FASN: variants seen among roughly 807,000 people sequenced by gnomAD.
The protein encoded by FASN is 3-hydroxyacyl-[acyl-carrier-protein] dehydratase.
In FASN, 50 loss-of-function variants were observed where a neutral mutation model predicts 250.0. The observed-to-expected ratio is 0.20, with a 90% CI of 0.16 to 0.25. FASN has a LOEUF of 0.25. Among genes scored for constraint, FASN ranks in the 10% least tolerant of loss-of-function variants. The pLI, the probability that FASN is intolerant of heterozygous loss-of-function variation, is 1.00. For synonymous variants in FASN, 1,909 were observed against 1,584.0 expected (o/e 1.21, Z -4.87); for missense variants, 3,031 against 3,498.5 (o/e 0.87, Z 3.37).
rs766568895 is a variant in FASN at position 82,090,890 on chromosome 17, C to A, written c.1672G>T (p.Ala558Ser). The change falls in exon 10 of 43, where the codon GCC becomes TCC. Residue 558 changes from alanine (A) to serine (S), a missense_variant. Transcript: ENST00000306749. ...DIVHSFVSLT[A>S]IQIGLIDLLS... ...GGCAGGCTGGGCCCTACCTGGATGG[C>A]AGTCAGGCTCACAAACGAATGGACG... The A allele has an allele frequency of 6.3e-7, 1 of 1,588,168 alleles. No individual in the cohort carries two copies. Among genetic ancestry groups the A allele is most frequent in the East Asian group, 2.3e-5 (1 of 42,984 alleles).
At position 82,086,391 on chromosome 17, in the gene FASN, C is replaced by T. The variant is rs1249074009; in HGVS notation, c.3595G>A (p.Ala1199Thr). Residue 1199 changes from alanine (A) to threonine (T), a missense_variant, in exon 22 of 43, where the codon GCG becomes ACG. Transcript: ENST00000306749. ...QLNGNLQLEL[A>T]QVLAQERPKL... Reference sequence around the variant, plus strand: ...GGCCTCTCCTGGGCCAGCACCTGCGCCAGCTCCAGCTGCAGGTTCCCGTTG... The same window carrying T: ...GGCCTCTCCTGGGCCAGCACCTGCGTCAGCTCCAGCTGCAGGTTCCCGTTG... 1 of 1,610,236 alleles carries T rather than the reference C, an allele frequency of 6.2e-7. No individual in the cohort carries two copies. Among genetic ancestry groups the T allele is most frequent in the South Asian group, 1.1e-5 (1 of 91,046 alleles).
chr17:82,082,173 G>C lies in FASN; in HGVS notation c.6012-13C>G. 1 of 1,601,650 alleles carries C rather than the reference G, an allele frequency of 6.2e-7. No individual in the cohort carries two copies. Reference sequence around the variant, plus strand: ...CTCTCGGGTCACCCTGTGGGCACGCGTGTCACTCCCCATTGGCCAGCATCC... The same window carrying C: ...CTCTCGGGTCACCCTGTGGGCACGCCTGTCACTCCCCATTGGCCAGCATCC... On this transcript the variant is annotated splice_polypyrimidine_tract_variant and intron_variant, in intron 35 of 42. Transcript: ENST00000306749.
intron 36 of FASN, 47 bp from the exon 37 acceptor site, chr17:82,081,890 G>A (rs775433346): frequency 2.1e-6 from 1 of 470,890 alleles, no homozygotes; most frequent in African/African-American, 2.1e-5. Flanking sequence ...AGGTCGGGGT[G>A]GGGAGTGGCC....
intron 9 of FASN, 63 bp downstream of exon 9, chr17:82,091,159 A>C: frequency 6.2e-7 from 1 of 1,601,174 alleles, no homozygotes; most frequent in Non-Finnish European, 8.5e-7. Flanking sequence ...GGGGACCACC[A>C]GCTCCAGTTC....
Position 82,079,497 on chromosome 17 carries a change from C to A in FASN, c.7258G>T (p.Ala2420Ser). The A allele has an allele frequency of 1.2e-6, 2 of 1,612,542 alleles. No homozygotes were observed. The highest frequency in any genetic ancestry group is 1.7e-6 in the Non-Finnish European group (2 of 1,179,978). ...GLDRQELSFAARSFYYKLRAA... is the reference protein window; with the variant it reads ...GLDRQELSFASRSFYYKLRAA... ...CGCAGCTTGTAGTAGAAGGACCGGG[C>A]CGCAAAGCTCAGCTCCTGGCGGTCC... Residue 2420 changes from alanine (A) to serine (S), a missense_variant, in exon 42 of 43, where the codon GCC (alanine) becomes TCC (serine). Ala to Ser is a moderately conservative substitution (Grantham distance 99, BLOSUM62 1). Transcript: ENST00000306749.
chr17:82,095,522 G>A (rs1375168977), intron 2 of FASN, 50 bp from the exon 3 acceptor site: 9 of 1,604,558 alleles, frequency 5.6e-6, no homozygotes, highest in Non-Finnish European at 7.6e-6. Flanking sequence ...GCCCAGAGGT[G>A]GGGGCCCTGT....
chr17:82,092,550 G>A lies in FASN; in HGVS notation c.934C>T (p.Leu312=). 4.4e-6 allele frequency: 7 copies of A among 1,606,664 alleles called. No individual in the cohort carries two copies. The highest frequency in any genetic ancestry group is 5.9e-6 in the Non-Finnish European group (7 of 1,179,210). The part of the protein sequence containing the change: ...PQELNGITRA[L]CATRQEPLLI... ...AGCGGCTCCTGGCGGGTGGCGCACA[G>A]GGCTCGGGTGATGCCATTCAGCTCC... The change falls in exon 8 of 43, where the codon CTG becomes TTG. Residue 312 remains leucine (L), a synonymous_variant. Coordinates refer to ENST00000306749, the MANE Select transcript of FASN (RefSeq NM_004104.5).
Position 82,084,490 on chromosome 17 carries a change from C to T in FASN, c.4768+23G>A, listed in dbSNP as rs778786785. 2.5e-6 allele frequency: 4 copies of T among 1,597,530 alleles called. No individual in the cohort carries two copies. The African/African-American group carries it at 4.0e-5, about 16-fold the overall frequency. On this transcript the variant is annotated intron_variant, in intron 27 of 42. Transcript: ENST00000306749. ...CTCTGCTCCCCGGCCCAGTCCACTC[C>T]CACGGCCCCATGCCACCCATACCTG...
At chr17:82,087,008 C>T (rs779538787) in intron 21 of FASN, 42 bp downstream of exon 21, 3 of 1,600,304 alleles carry the variant, frequency 1.9e-6, no homozygotes, top group Non-Finnish European at 1.7e-6. Flanking sequence ...GATCGCTCCT[C>T]ATCGCCAGAG....
Position 82,082,125 on chromosome 17 carries a change from A to G in FASN, c.6047T>C (p.Phe2016Ser). 1 of 1,606,822 alleles carries G rather than the reference A, an allele frequency of 6.2e-7. No homozygotes were observed. Among genetic ancestry groups the G allele is most frequent in the Non-Finnish European group, 8.5e-7 (1 of 1,179,948 alleles). Residue 2016 changes from phenylalanine to serine, a missense_variant, in exon 36 of 43, where the codon TTT becomes TCT. Phe to Ser is a radical substitution (Grantham distance 155). Coordinates refer to ENST00000306749, the MANE Select transcript of FASN (RefSeq NM_004104.5). Reference protein sequence around the residue: ...TREACPELDYFVVFSSVSCGR... With the variant: ...TREACPELDYSVVFSSVSCGR... ...GCAGCTCACAGAGGAGAAGACCACA[A>G]AGTAGTCCAGCTCAGGGCACGCCTC...
rs922699906 is a variant in FASN, at chr17:82,087,785, C to T, written c.2943G>A (p.Glu981=). Residue 981 remains glutamate (E), a synonymous_variant, in exon 19 of 43, where the codon GAG becomes GAA. Transcript: ENST00000306749. ...HPESPTPNPT[E]PLFLAQAEVY... ...CTTCAGCCTGGGCCAGGAAGAGGGG[C>T]TCCGTGGGGTTGGGGGTGGGGCTTT... 6.2e-7 allele frequency: 1 copy of T among 1,612,624 alleles called. No homozygotes were observed. Among genetic ancestry groups the T allele is most frequent in the Non-Finnish European group, 8.5e-7 (1 of 1,179,956 alleles).
At chr17:82,090,019 G>A (rs1202500835) in intron 11 of FASN, among the ~76,000 whole-genome samples, 1 of 152,230 alleles carries the variant, frequency 6.6e-6, no homozygotes, top group Non-Finnish European at 1.5e-5. Flanking sequence ...TGGCCCATGG[G>A]GCTCAGAGAT....
In FASN at chr17:82,091,381, T is replaced by C. The variant is rs2034204006; in HGVS notation, c.1333A>G (p.Ser445Gly). ...ATGCTCAGGAAAGCCAGGTCCTGGC[T>C]GTGCCGGAGGCCCTGCTCCAGCAGC... ...QKLLEQGLRH[S>G]QDLAFLSMLN... Residue 445 changes from serine to glycine, a missense_variant, in exon 9 of 43, where the codon AGC becomes GGC. Physicochemically the swap from Ser to Gly is moderately conservative, Grantham distance 56. Transcript: ENST00000306749. 1.2e-6 allele frequency: 2 copies of C among 1,611,058 alleles called. No individual in the cohort carries two copies. The highest frequency in any genetic ancestry group is 2.2e-5 in the South Asian group (2 of 90,844).
chr17:82,079,382 A>G lies in FASN; in HGVS notation c.7373T>C (p.Leu2458Pro). 1 of 1,612,970 alleles carries G rather than the reference A, an allele frequency of 6.2e-7. No homozygotes were observed. Among genetic ancestry groups the G allele is most frequent in the Non-Finnish European group, 8.5e-7 (1 of 1,179,988 alleles). ...CTGGGAGAGGTTGTAGTCCGCGCCC[A>G]GGTCCTCGCCGTAGGCGCCACCCGT... ...AKTGGAYGED[L>P]GADYNLSQVC... Residue 2458 changes from leucine (L) to proline (P), a missense_variant, in exon 42 of 43, where the codon CTG (leucine) becomes CCG (proline). By Grantham distance (98) the Leu-to-Pro change is moderately conservative. Transcript: ENST00000306749.
intron 8 of FASN, 25 bp from the exon 9 acceptor site, chr17:82,091,709 C>T: frequency 6.5e-7 from 1 of 1,539,418 alleles, no homozygotes; most frequent in Non-Finnish European, 8.8e-7. Flanking sequence ...GGTGGATGGG[C>T]AGCCGCCCCA....
rs954842120 is a variant in FASN, at chr17:82,084,850, C to T, written c.4513G>A (p.Val1505Ile). 26 of 1,550,346 alleles carry T rather than the reference C, an allele frequency of 1.7e-5. No individual in the cohort carries two copies. The highest frequency in any genetic ancestry group is 9.8e-5 in the East Asian group (4 of 40,936). The change falls in exon 26 of 43, where the codon GTC becomes ATC. Residue 1505 changes from valine to isoleucine, a missense_variant. Physicochemically the swap from Val to Ile is conservative, Grantham distance 29. Transcript: ENST00000306749. Reference protein sequence around the residue: ...KVLQGDLVMNVYRDGAWGAFR... With the variant: ...KVLQGDLVMNIYRDGAWGAFR... ...GCCCCCCAGGCCCCGTCGCGGTAGACGTTCATCACCAGGTCTCCCTGCAAC... is the reference window on the plus strand; with the variant it reads ...GCCCCCCAGGCCCCGTCGCGGTAGATGTTCATCACCAGGTCTCCCTGCAAC...
intron 4 of FASN, 77 bp from the exon 5 acceptor site, chr17:82,093,496 T>C: frequency 1.3e-6 from 2 of 1,587,244 alleles, no homozygotes; most frequent in Non-Finnish European, 1.7e-6. Flanking sequence ...GCCACCAGGC[T>C]GGACACACAC....
chr17:82,083,653 G>A lies in FASN; in HGVS notation c.5219-14C>T, dbSNP rs757804201. 1.1e-5 allele frequency: 18 copies of A among 1,605,102 alleles called. No individual in the cohort carries two copies. In the Admixed American group the frequency reaches 2.9e-4, roughly 26 times the overall value. ...CCAGGTCAACGCCTAGGGGGCCAGA[G>A]GGGCCAGACAATCACACCCACTGCA... On this transcript the variant is annotated splice_polypyrimidine_tract_variant and intron_variant, in intron 30 of 42. Transcript: ENST00000306749.
In FASN at chr17:82,086,531, A is replaced by C. The variant is rs760288450; in HGVS notation, c.3455T>G (p.Val1152Gly). The change falls in exon 22 of 43, where the codon GTG (valine) becomes GGG (glycine). Residue 1152 changes from valine (V) to glycine (G), a missense_variant. Val to Gly is a moderately radical substitution (Grantham distance 109, BLOSUM62 -3). Coordinates refer to ENST00000306749, the MANE Select transcript of FASN (RefSeq NM_004104.5). Reference sequence around the variant, plus strand: ...CACCATCTTCAGCCCCTGCTGGGTCACCTTGGTCTGCAGTGCCTGCACCAG... The same window carrying C: ...CACCATCTTCAGCCCCTGCTGGGTCCCCTTGGTCTGCAGTGCCTGCACCAG... ...KGLVQALQTKVTQQGLKMVVP... is the reference protein window; with the variant it reads ...KGLVQALQTKGTQQGLKMVVP... 1.9e-5 allele frequency: 30 copies of C among 1,611,900 alleles called. No homozygotes were observed. The African/African-American group carries it at 3.6e-4, about 19-fold the overall frequency.
Sources: gnomAD v4.1 joint callset for allele counts (sites outside exome capture counted in the v4.1 genomes callset) on GRCh38, gnomAD v4.1.1 for gene constraint, MANE v1.5 for transcripts, NCBI Gene and HGNC (gene_info 2026-07-23, HGNC 2026-07-21) for gene names.